LEMD1: variants seen among roughly 807,000 people sequenced by gnomAD.
The protein encoded by LEMD1 is LEM domain-containing protein 1.
Under a neutral mutation model 17.4 loss-of-function variants are expected in LEMD1, and 18 were observed. The observed-to-expected ratio is 1.04, with a 90% CI of 0.72 to 1.54. The LOEUF (loss-of-function observed/expected upper bound fraction) is 1.54, where lower values mean the gene tolerates loss of function less well. LEMD1 is among the 40% of genes most tolerant of loss of function. LEMD1 has a pLI of 0.00. For synonymous variants in LEMD1, 88 were observed against 77.8 expected (o/e 1.13, Z -0.69); for missense variants, 195 against 210.4 (o/e 0.93, Z 0.45).
At chr1:205,407,785 G>A (rs1665189299) in intron 4 of LEMD1, among the ~76,000 whole-genome samples, 1 of 152,120 alleles carries the variant, frequency 6.6e-6, no homozygotes, top group South Asian at 2.1e-4. Context: ...GTCGGGGGCT[G>A]GACTGAGCCC....
At chr1:205,442,392 AGGAATGTGGCAT>A (rs1666309930) in intron 1 of LEMD1, among the ~76,000 whole-genome samples, 1 of 152,212 alleles carries the variant, frequency 6.6e-6, no homozygotes, top group African/African-American at 2.4e-5. Flanking sequence ...ACTGCCTTTG[AGGAATGTGGCAT>A]GGCCCAGATG....
chr1:205,414,848 A>G (rs12727186), intron 4 of LEMD1, among the ~76,000 whole-genome samples: 1 of 152,122 alleles, frequency 6.6e-6, no homozygotes, highest in African/African-American at 2.4e-5. Context: ...TCATGGTGCC[A>G]CTGCACTCCA....
At chr1:205,389,043 T>C (rs968409123) in intron 4 of LEMD1, among the ~76,000 whole-genome samples, 3 of 74,556 alleles carry the variant, frequency 4.0e-5, no homozygotes, top group African/African-American at 1.7e-4. Context: ...CTTTCTTTTT[T>C]TTTTTTTTTT....
At chr1:205,433,392 G>A (rs554721189) in intron 1 of LEMD1, among the ~76,000 whole-genome samples, 1 of 152,272 alleles carries the variant, frequency 6.6e-6, no homozygotes, top group East Asian at 1.9e-4. Flanking sequence ...AACAGGCAGA[G>A]GTTGTAGTGA....
At chr1:205,434,330 C>T in intron 1 of LEMD1, among the ~76,000 whole-genome samples, 1 of 100,076 alleles carries the variant, frequency 1.0e-5, no homozygotes, top group African/African-American at 3.0e-5. Context: ...TGCTACCATG[C>T]CTGGCTAAGT....
intron 2 of LEMD1, 21 bp from the exon 3 acceptor site, chr1:205,419,373 C>A: frequency 1.9e-6 from 3 of 1,613,880 alleles, no homozygotes; most frequent in Non-Finnish European, 2.5e-6. Flanking sequence ...ATTTGGAGAA[C>A]AAATTAAATT....
chr1:205,449,111 T>C (rs1403486568), intron 1 of LEMD1, among the ~76,000 whole-genome samples: 1 of 152,066 alleles, frequency 6.6e-6, no homozygotes, highest in African/African-American at 2.4e-5. Context: ...TCTGGAGCCA[T>C]CCCTGACAAG....
chr1:205,395,915 A>C (rs1158453746), intron 4 of LEMD1, among the ~76,000 whole-genome samples: 1 of 152,244 alleles, frequency 6.6e-6, no homozygotes, highest in African/African-American at 2.4e-5. Context: ...AAAATACATA[A>C]AAATTGCAAT....
At chr1:205,429,947 G>A (rs1666104389) in intron 1 of LEMD1, among the ~76,000 whole-genome samples, 1 of 152,100 alleles carries the variant, frequency 6.6e-6, no homozygotes, top group Admixed American at 6.6e-5. Flanking sequence ...AGGTGGTTCC[G>A]GCTGTGCACA....
rs537652546 is a variant in LEMD1 at position 205,441,733 on chromosome 1, T to C, written c.-39+8135A>G. On this transcript the variant is annotated intron_variant, in intron 1 of 3. Coordinates refer to the LEMD1 transcript ENST00000367154. The surrounding 1 kb of genome is among the most constrained non-coding windows in gnomAD (Gnocchi z 4.3). ...GAGGGTTCTTTTAGCCAACAGGCTC[T>C]TTTATTTAGCACCTATGCTGGGCAA... Among the ~76,000 whole-genome samples the C allele has an allele frequency of 5.6e-4, 85 of 152,330 alleles. No homozygotes were observed. Among genetic ancestry groups the C allele is most frequent in the Non-Finnish European group, 8.8e-4 (60 of 68,032 alleles).
intron 1 of LEMD1, among the ~76,000 whole-genome samples, chr1:205,445,480 G>A (rs926969706): frequency 5.3e-5 from 8 of 152,340 alleles, no homozygotes; most frequent in African/African-American, 1.9e-4. Flanking sequence ...CGAGCTCTCT[G>A]GAATCACAGG....
At chr1:205,443,382 C>T (rs1666329646) in intron 1 of LEMD1, among the ~76,000 whole-genome samples, 2 of 91,518 alleles carry the variant, frequency 2.2e-5, no homozygotes, top group Admixed American at 2.7e-4. Context: ...TGACCCGTTC[C>T]TCCCCAGGGT....
chr1:205,426,265 G>A (rs1302519139), upstream of LEMD1, among the ~76,000 whole-genome samples: 2 of 152,190 alleles, frequency 1.3e-5, no homozygotes, highest in Non-Finnish European at 1.5e-5. Context: ...TGCATACAGA[G>A]ATTTATGATA....
At chr1:205,396,903 A>G (rs1024529020) in intron 4 of LEMD1, among the ~76,000 whole-genome samples, 1 of 152,200 alleles carries the variant, frequency 6.6e-6, no homozygotes, top group African/African-American at 2.4e-5. Context: ...TGGGAATCCA[A>G]CTTCTCATTA....
chr1:205,429,225 C>A (rs1414637994), intron 1 of LEMD1, among the ~76,000 whole-genome samples: 2 of 152,166 alleles, frequency 1.3e-5, no homozygotes, highest in East Asian at 1.9e-4. Context: ...GCTTGGGCAG[C>A]GGAGGAGATG....
Position 205,416,302 on chromosome 1 carries a change from T to G in LEMD1, c.206-6A>C. The stretch of plus-strand genomic sequence containing the variant: ...TTGCAAAATGATATTAAGCTCTGGA[T>G]CATGGGAAACAAAAGGAAAATAGGC... On this transcript the variant is annotated splice_region_variant and splice_polypyrimidine_tract_variant and intron_variant, in intron 3 of 5. Coordinates refer to ENST00000367153, the MANE Select transcript of LEMD1 (RefSeq NM_001199050.2). The G allele has an allele frequency of 6.5e-7, 1 of 1,543,594 alleles. No homozygotes were observed. The highest frequency in any genetic ancestry group is 8.8e-7 in the Non-Finnish European group (1 of 1,142,564).
At position 205,400,849 on chromosome 1, in the gene LEMD1, C is replaced by T. The variant is rs1273925675; in HGVS notation, c.270+15383G>A. Among the ~76,000 whole-genome samples the T allele has an allele frequency of 3.6e-5, 4 of 111,316 alleles. 1 individual carries two copies. The highest frequency in any genetic ancestry group is 7.4e-5 in the Non-Finnish European group (4 of 54,414). The allele number at this position is 111,316 out of a possible 152,430, so 73.0% of individuals were successfully genotyped here. On this transcript the variant is annotated intron_variant, in intron 4 of 5. Transcript: ENST00000367153. ...TATCTCCTAATGCTATCCCTCCCCCCCCCCACCCCACAACAGTCACCAGAG... is the reference window on the plus strand; with the variant it reads ...TATCTCCTAATGCTATCCCTCCCCCTCCCCACCCCACAACAGTCACCAGAG...
chr1:205,427,505 G>GAC (rs957916877), intron 1 of LEMD1, among the ~76,000 whole-genome samples: 6 of 151,578 alleles, frequency 4.0e-5, no homozygotes, highest in East Asian at 2.0e-4. Flanking sequence ...GAGAGAGAGA[G>GAC]AGACAGAGAG....
upstream of LEMD1, among the ~76,000 whole-genome samples, chr1:205,422,995 T>C (rs1666002505): frequency 6.6e-6 from 1 of 152,338 alleles, no homozygotes; most frequent in African/African-American, 2.4e-5. Flanking sequence ...CATAAAGTGC[T>C]TGGCACATAG....
Sources: gnomAD v4.1 joint callset for allele counts (sites outside exome capture counted in the v4.1 genomes callset) on GRCh38, gnomAD v4.1.1 for gene constraint, Gnocchi (gnomAD v3.1) non-coding constraint, MANE v1.5 for transcripts, NCBI Gene and HGNC (gene_info 2026-07-23, HGNC 2026-07-21) for gene names.